SORCS1: variants seen among roughly 807,000 people sequenced by gnomAD.
The protein encoded by SORCS1 is VPS10 domain-containing receptor SorCS1.
A neutral mutation model predicts 146.1 loss-of-function variants in SORCS1; 60 were observed. The observed-to-expected ratio is 0.41, with a 90% confidence interval of 0.33 to 0.51. The LOEUF is 0.51. Among genes scored for constraint, SORCS1 ranks in the 20% least tolerant of loss-of-function variants. The pLI is 0.21. For synonymous variants in SORCS1, 637 were observed against 584.0 expected (o/e 1.09, Z -1.31); for missense variants, 1,352 against 1,487.6 (o/e 0.91, Z 1.50).
chr10:106,618,288 GC>G lies in SORCS1; in HGVS notation c.2797-17del, dbSNP rs1331191239. On this transcript the variant is annotated splice_polypyrimidine_tract_variant and intron_variant, in intron 20 of 25. Coordinates refer to ENST00000263054, the MANE Select transcript of SORCS1 (RefSeq NM_052918.5). ...TGATCAAAGGCTAAAATAAACAAGG[GC>G]CCAGAGTGAAGGGAAAGCTCTTTAG... is the stretch of plus-strand genomic sequence containing the variant. 6 of 1,612,752 alleles carry G rather than the reference GC, an allele frequency of 3.7e-6. No homozygotes were observed. In the East Asian group the frequency reaches 1.3e-4, roughly 36 times the overall value.
In SORCS1 at chr10:106,577,403, G is replaced by C; in HGVS notation, c.*17C>G. ...TTTCCTGATCAGCAGGTCGCCTGTAGCCTTTGGGGGTTTTCCTTAAATTGC... is the reference window on the plus strand; with the variant it reads ...TTTCCTGATCAGCAGGTCGCCTGTACCCTTTGGGGGTTTTCCTTAAATTGC... On this transcript the variant is annotated 3_prime_UTR_variant, in exon 26 of 26. Coordinates refer to ENST00000263054, the MANE Select transcript of SORCS1 (RefSeq NM_052918.5). 1 of 1,613,858 alleles carries C rather than the reference G, an allele frequency of 6.2e-7. No homozygotes were observed. Among genetic ancestry groups the C allele is most frequent in the Non-Finnish European group, 8.5e-7 (1 of 1,179,788 alleles).
At position 106,577,553 on chromosome 10, in the gene SORCS1, C is replaced by A; in HGVS notation, c.3374G>T (p.Arg1125Ile). ...AVFVIYKFKR[R>I]VALPSPPSPS... ...GGAGGGAGGGGAGGGTAAAGCTACT[C>A]TCCTAAGAGAAAACGTGTAACACTT... is the stretch of plus-strand genomic sequence containing the variant. The change falls in exon 26 of 26, where the codon AGA (arginine) becomes ATA (isoleucine). Residue 1125 changes from arginine (R) to isoleucine (I), a missense_variant and splice_region_variant. Transcript: ENST00000263054. The A allele has an allele frequency of 6.2e-7, 1 of 1,610,566 alleles. No homozygotes were observed. Among genetic ancestry groups the A allele is most frequent in the Non-Finnish European group, 8.5e-7 (1 of 1,177,860 alleles).
At chr10:107,019,332 A>C (rs760444809) in intron 1 of SORCS1, among the ~76,000 whole-genome samples, 3 of 152,182 alleles carry the variant, frequency 2.0e-5, no homozygotes, top group Non-Finnish European at 4.4e-5. Flanking sequence ...AGCTGAGTAA[A>C]GGTTGAGTAG....
chr10:106,819,747 A>T (rs1401790410), intron 3 of SORCS1, among the ~76,000 whole-genome samples: 2 of 152,132 alleles, frequency 1.3e-5, no homozygotes, highest in Non-Finnish European at 2.9e-5. Context: ...AATATCTTTT[A>T]CCCCTTTGAA....
intron 18 of SORCS1, among the ~76,000 whole-genome samples, chr10:106,648,588 T>C (rs1849624912): frequency 6.6e-6 from 1 of 152,244 alleles, no homozygotes; most frequent in Admixed American, 6.5e-5. Flanking sequence ...TGTGTGTCTC[T>C]GTCTGGGTCA....
At chr10:106,893,380 A>G (rs1951314079) in intron 2 of SORCS1, among the ~76,000 whole-genome samples, 2 of 152,214 alleles carry the variant, frequency 1.3e-5, no homozygotes, top group Non-Finnish European at 2.9e-5. Context: ...ACATACATTT[A>G]ACTATATTTA....
chr10:106,969,861 C>A (rs1955681496), intron 1 of SORCS1, among the ~76,000 whole-genome samples: 1 of 152,200 alleles, frequency 6.6e-6, no homozygotes, highest in African/African-American at 2.4e-5. Flanking sequence ...TCATTAGCTT[C>A]ACTGTAAATT....
At chr10:107,058,186 T>C (rs1960832931) in intron 1 of SORCS1, among the ~76,000 whole-genome samples, 1 of 151,980 alleles carries the variant, frequency 6.6e-6, no homozygotes, top group South Asian at 2.1e-4. Flanking sequence ...GGACTACAGG[T>C]GCCTGCCACC....
At chr10:107,160,170 C>T (rs1214768510) in intron 1 of SORCS1, among the ~76,000 whole-genome samples, 1 of 152,196 alleles carries the variant, frequency 6.6e-6, no homozygotes, top group African/African-American at 2.4e-5. Flanking sequence ...CCTCCTCCAC[C>T]ATCATCAGAA....
chr10:106,930,745 T>C (rs1336651319), intron 2 of SORCS1, among the ~76,000 whole-genome samples: 2 of 152,150 alleles, frequency 1.3e-5, no homozygotes, highest in Non-Finnish European at 2.9e-5. Flanking sequence ...CTTTTTTTAA[T>C]AATATGGTTA....
intron 1 of SORCS1, among the ~76,000 whole-genome samples, chr10:107,156,383 C>A (rs573162029): frequency 1.3e-5 from 2 of 152,190 alleles, no homozygotes; most frequent in African/African-American, 2.4e-5. Context: ...GATAACAGTA[C>A]GTAGTTCATA....
At chr10:106,699,037 C>A (rs1853924230) in intron 9 of SORCS1, among the ~76,000 whole-genome samples, 177 bp downstream of exon 9, 1 of 152,222 alleles carries the variant, frequency 6.6e-6, no homozygotes. Context: ...CCCCAGAGAT[C>A]TTCTGTGGAT....
intron 2 of SORCS1, among the ~76,000 whole-genome samples, chr10:106,871,340 A>G (rs1000274280): frequency 3.3e-5 from 5 of 152,106 alleles, no homozygotes; most frequent in African/African-American, 1.2e-4. Context: ...CTCATCCTCA[A>G]GGAGCTAAAA....
intron 1 of SORCS1, among the ~76,000 whole-genome samples, chr10:107,065,415 T>TTTTCTTTCTTTC (rs151043663): frequency 0.044 from 5,313 of 120,430 alleles, 290 homozygotes; most frequent in African/African-American, 0.081. Flanking sequence ...TCTCTCTTTC[T>TTTTCTTTCTTTC]TTTCTTTCTT....
At chr10:107,141,329 A>C (rs1967823029) in intron 1 of SORCS1, among the ~76,000 whole-genome samples, 1 of 152,204 alleles carries the variant, frequency 6.6e-6, no homozygotes, top group Admixed American at 6.5e-5. Context: ...ATACTGAAAC[A>C]AATTAAAATT....
chr10:106,991,600 A>C (rs1956774253), intron 1 of SORCS1, among the ~76,000 whole-genome samples: 1 of 152,242 alleles, frequency 6.6e-6, no homozygotes, highest in Non-Finnish European at 1.5e-5. Flanking sequence ...AACAGAACCA[A>C]GAATGGGTAA....
intron 18 of SORCS1, among the ~76,000 whole-genome samples, chr10:106,649,202 T>C (rs1053391259): frequency 3.3e-5 from 5 of 152,178 alleles, no homozygotes; most frequent in African/African-American, 9.7e-5. Flanking sequence ...GAAGGTCTAA[T>C]TGAGCTGGTT....
chr10:107,041,326 A>G (rs1959144146), intron 1 of SORCS1, among the ~76,000 whole-genome samples: 1 of 151,994 alleles, frequency 6.6e-6, no homozygotes, highest in African/African-American at 2.4e-5. Flanking sequence ...TACTTTCTGA[A>G]ATGTCCTGGC....
intron 5 of SORCS1, among the ~76,000 whole-genome samples, chr10:106,760,635 C>G (rs1331705488): frequency 6.6e-6 from 1 of 151,734 alleles, no homozygotes; most frequent in African/African-American, 2.4e-5. Flanking sequence ...TTGTTTAAGC[C>G]ACCCAGTCTA....
Sources: gnomAD v4.1 joint callset for allele counts (sites outside exome capture counted in the v4.1 genomes callset) on GRCh38, gnomAD v4.1.1 for gene constraint, MANE v1.5 for transcripts, NCBI Gene and HGNC (gene_info 2026-07-23, HGNC 2026-07-21) for gene names.